Variants in PDE4D observed in about 807,000 individuals in gnomAD.
PDE4D encodes the protein phosphodiesterase 4D.
A neutral mutation model predicts 87.4 loss-of-function variants in PDE4D; 24 were observed. That is an observed-to-expected ratio of 0.27 (90% CI 0.20 to 0.39). The LOEUF (loss-of-function observed/expected upper bound fraction) is 0.39, where lower values mean the gene tolerates loss of function less well. Among genes scored for constraint, PDE4D ranks in the 10% least tolerant of loss-of-function variants. The pLI, the probability that PDE4D is intolerant of heterozygous loss-of-function variation, is 1.00. For synonymous variants in PDE4D, 384 were observed against 383.2 expected (o/e 1.00, Z -0.02); for missense variants, 714 against 1,041.0 (o/e 0.69, Z 4.32).
At chr5:59,046,332 A>ATG (rs35900836) in intron 5 of PDE4D, among the ~76,000 whole-genome samples, 5 of 151,618 alleles carry the variant, frequency 3.3e-5, no homozygotes, top group East Asian at 1.9e-4. Context: ...GTGCACATGC[A>ATG]TGTGTGTGTG....
chr5:59,953,919 GT>G (rs1312312246), intron 3 of PDE4D, among the ~76,000 whole-genome samples: 3 of 152,136 alleles, frequency 2.0e-5, no homozygotes, highest in East Asian at 3.9e-4. Context: ...ATGTTTCCTA[GT>G]TTTTTTGTTT....
At chr5:59,763,238 T>C (rs1580973055) in intron 1 of PDE4D, among the ~76,000 whole-genome samples, 1 of 151,942 alleles carries the variant, frequency 6.6e-6, no homozygotes, top group Non-Finnish European at 1.5e-5. Context: ...GACGAGTTAA[T>C]GGGTGCAGCA....
chr5:60,517,313 T>G (rs1750845553), intron 1 of PDE4D, among the ~76,000 whole-genome samples: 1 of 152,092 alleles, frequency 6.6e-6, no homozygotes, highest in African/African-American at 2.4e-5. Context: ...GTGCAGCAGG[T>G]TGATGGCAGC....
chr5:59,890,495 T>C (rs1750804416), intron 1 of PDE4D, among the ~76,000 whole-genome samples: 1 of 152,236 alleles, frequency 6.6e-6, no homozygotes, highest in South Asian at 2.1e-4. Context: ...TAATTACTTC[T>C]AGAAGCTTGT....
chr5:59,403,707 T>C (rs901074979), intron 1 of PDE4D, among the ~76,000 whole-genome samples: 2 of 152,190 alleles, frequency 1.3e-5, no homozygotes, highest in African/African-American at 4.8e-5. Flanking sequence ...TTCATTCGTC[T>C]ATTGAGGGAA....
intron 2 of PDE4D, among the ~76,000 whole-genome samples, chr5:60,010,230 A>G (rs1764898613): frequency 6.6e-6 from 1 of 152,142 alleles, no homozygotes; most frequent in Non-Finnish European, 1.5e-5. Context: ...TAACTTTTAT[A>G]TGTCTACTCA....
At chr5:59,239,453 G>A (rs1235185489) in intron 1 of PDE4D, among the ~76,000 whole-genome samples, 2 of 152,124 alleles carry the variant, frequency 1.3e-5, no homozygotes, top group African/African-American at 4.8e-5. Context: ...AGGGGACCCA[G>A]CTGCCACTAT....
At chr5:60,242,072 C>T (rs1747194678) in intron 1 of PDE4D, among the ~76,000 whole-genome samples, 1 of 152,008 alleles carries the variant, frequency 6.6e-6, no homozygotes, top group African/African-American at 2.4e-5. Context: ...ATCCTTCAAA[C>T]ATACATTGCC....
At chr5:59,935,376 A>C (rs1249202283) in intron 3 of PDE4D, among the ~76,000 whole-genome samples, 2 of 152,174 alleles carry the variant, frequency 1.3e-5, no homozygotes, top group Non-Finnish European at 2.9e-5. Context: ...AGGTGATTTA[A>C]TGTGTTATGG....
chr5:60,053,014 A>T (rs1770356845), intron 2 of PDE4D, among the ~76,000 whole-genome samples: 1 of 152,246 alleles, frequency 6.6e-6, no homozygotes, highest in Non-Finnish European at 1.5e-5. Context: ...GGAGAACTAC[A>T]AACCACTGCT....
chr5:59,391,355 G>T (rs1362994218), intron 1 of PDE4D, among the ~76,000 whole-genome samples: 5 of 152,110 alleles, frequency 3.3e-5, no homozygotes, highest in Admixed American at 2.0e-4. Flanking sequence ...TCAGTAAAGT[G>T]TTGCTTTAAA....
In PDE4D at chr5:59,628,814, C is replaced by T. The variant is rs1425946718; in HGVS notation, c.455+264354G>A. Among the ~76,000 whole-genome samples the T allele has an allele frequency of 2.0e-5, 3 of 152,266 alleles. No homozygotes were observed. In the South Asian group the frequency reaches 6.2e-4, roughly 32 times the overall value. ...GAAAAGGTAGTTGTATTAGTCCGTT[C>T]TCATCCCACTAATAAAGACATACCT... is the stretch of plus-strand genomic sequence containing the variant. On this transcript the variant is annotated intron_variant, in intron 1 of 14. Transcript: ENST00000340635.
At chr5:60,414,811 T>C (rs1742344768) in intron 1 of PDE4D, among the ~76,000 whole-genome samples, 1 of 152,252 alleles carries the variant, frequency 6.6e-6, no homozygotes. Flanking sequence ...TCATTCCACA[T>C]GACAGCCTTC....
At chr5:59,448,794 A>G (rs1404510186) in intron 1 of PDE4D, among the ~76,000 whole-genome samples, 2 of 152,032 alleles carry the variant, frequency 1.3e-5, no homozygotes, top group East Asian at 3.9e-4. Context: ...CACCATGCCC[A>G]GCTAATATTT....
chr5:59,162,426 C>T (rs1266653790), intron 5 of PDE4D, among the ~76,000 whole-genome samples: 1 of 152,058 alleles, frequency 6.6e-6, no homozygotes, highest in Non-Finnish European at 1.5e-5. Flanking sequence ...TTAATTTGAC[C>T]AAGGATTGCC....
chr5:59,605,280 A>T (rs148095952), intron 1 of PDE4D, among the ~76,000 whole-genome samples: 142 of 152,220 alleles, frequency 9.3e-4, no homozygotes, highest in Admixed American at 3.5e-3. Flanking sequence ...TTTTCTATCC[A>T]TTGGAAATTT....
At chr5:60,136,931 T>C (rs1299874483) in intron 2 of PDE4D, among the ~76,000 whole-genome samples, 1 of 152,078 alleles carries the variant, frequency 6.6e-6, no homozygotes, top group Non-Finnish European at 1.5e-5. Context: ...CCAGCATCCA[T>C]TGGCTATTCT....
chr5:59,954,035 C>T (rs1327621080), intron 3 of PDE4D, among the ~76,000 whole-genome samples: 1 of 152,194 alleles, frequency 6.6e-6, no homozygotes, highest in Middle Eastern at 3.2e-3. Flanking sequence ...AAACAACTCT[C>T]CTGCCTCAGC....
intron 1 of PDE4D, among the ~76,000 whole-genome samples, chr5:59,566,681 C>T (rs1269257411): frequency 1.3e-5 from 2 of 151,916 alleles, no homozygotes; most frequent in African/African-American, 2.4e-5. Flanking sequence ...TCTGATTTGG[C>T]ATCTACGAAT....
Sources: allele counts gnomAD v4.1 joint callset (sites outside exome capture counted in the v4.1 genomes callset), GRCh38; gene constraint gnomAD v4.1.1; transcripts MANE v1.5; gene names NCBI Gene and HGNC (gene_info 2026-07-23, HGNC 2026-07-21).